FGF13: variants seen among roughly 807,000 people sequenced by gnomAD.
FGF13 encodes the protein fibroblast growth factor 13.
A neutral mutation model predicts 19.5 loss-of-function variants in FGF13; 2 were observed. The ratio of observed to expected loss-of-function variants is 0.10; its 90% CI spans 0.04 to 0.32. The LOEUF (loss-of-function observed/expected upper bound fraction) is 0.32. Ranked by LOEUF, FGF13 falls within the 10% of genes least tolerant of loss-of-function variation. The pLI, the probability that FGF13 is intolerant of heterozygous loss-of-function variation, is 1.00. For missense variants in FGF13, 113 were observed against 192.7 expected (o/e 0.59, Z 2.45); for synonymous variants, 72 against 76.9 (o/e 0.94, Z 0.33).
rs1234410783 is a variant in FGF13 at position 138,625,412 on chromosome X, A to C, written c.*7438T>G. The C allele has an allele frequency of 9.8e-6, 1 of 102,045 alleles. No individual in the cohort carries two copies. Among genetic ancestry groups the C allele is most frequent in the Non-Finnish European group, 2.0e-5 (1 of 50,326 alleles). The allele number at this position is 102,045 out of a possible 1,213,427, so 8.4% of individuals were successfully genotyped here. The stretch of plus-strand genomic sequence containing the variant: ...CACCATTATTCACAATAGATAAGTT[A>C]TGGAACAACCTAAGTGCCCACGGAC... On this transcript the variant is annotated 3_prime_UTR_variant, in exon 5 of 5. Transcript: ENST00000315930.
chrX:138,942,946 G>C (rs1490946343), intron 1 of FGF13, among the ~76,000 whole-genome samples: 1 of 111,259 alleles, frequency 9.0e-6, no homozygotes, highest in African/African-American at 3.3e-5. Flanking sequence ...TTTTATTTGG[G>C]CCTGACAAAT....
chrX:138,781,164 G>A (rs1391851486), intron 3 of FGF13, among the ~76,000 whole-genome samples: 5 of 111,101 alleles, frequency 4.5e-5, no homozygotes, highest in Admixed American at 1.9e-4. Context: ...CGCATTCAAA[G>A]CAGCGTGTAG....
At chrX:138,855,961 A>ACTGT (rs2091254733), downstream of FGF13, among the ~76,000 whole-genome samples, 2 of 87,772 alleles carry the variant, frequency 2.3e-5, no homozygotes, top group Admixed American at 1.2e-4. Context: ...AAGTACAAAA[A>ACTGT]CTGTGTGTGT....
At chrX:138,794,071 C>A (rs2090760339) in intron 3 of FGF13, among the ~76,000 whole-genome samples, 1 of 111,182 alleles carries the variant, frequency 9.0e-6, no homozygotes, top group South Asian at 3.8e-4. Context: ...TGGCTCAGAA[C>A]AACAGCCTCC....
intron 3 of FGF13, among the ~76,000 whole-genome samples, chrX:138,799,901 C>T (rs1350897150): frequency 9.0e-6 from 1 of 110,925 alleles, no homozygotes; most frequent in East Asian, 2.8e-4. Context: ...GATTGCAACC[C>T]CTGCTTTTAT....
At chrX:139,037,951 A>G (rs992761990) in intron 1 of FGF13, among the ~76,000 whole-genome samples, 2 of 111,350 alleles carry the variant, frequency 1.8e-5, no homozygotes, top group Non-Finnish European at 3.8e-5. Flanking sequence ...TGTGCCCCAG[A>G]AGACTGATCT....
intron 3 of FGF13, among the ~76,000 whole-genome samples, chrX:138,747,077 A>T (rs911453748): frequency 5.4e-5 from 6 of 111,747 alleles, no homozygotes; most frequent in African/African-American, 2.0e-4. Flanking sequence ...CTGTGTGCCC[A>T]CCAATTCTCA....
At chrX:139,144,793 A>G (rs747027642) in intron 1 of FGF13, among the ~76,000 whole-genome samples, 2 of 111,498 alleles carry the variant, frequency 1.8e-5, no homozygotes, top group South Asian at 7.6e-4. Context: ...TTCTTGGGGG[A>G]AAAAAACAGT....
intron 1 of FGF13, among the ~76,000 whole-genome samples, chrX:138,726,380 T>C: frequency 8.9e-6 from 1 of 112,009 alleles, no homozygotes; most frequent in African/African-American, 3.2e-5. Flanking sequence ...TAGAATGCTA[T>C]TTAACCTCTC....
At chrX:139,148,756 A>G (rs1764794688) in intron 1 of FGF13, among the ~76,000 whole-genome samples, 1 of 111,513 alleles carries the variant, frequency 9.0e-6, no homozygotes, top group African/African-American at 3.3e-5. Flanking sequence ...AGGAACCTGC[A>G]CTTGATCTGT....
At chrX:139,110,780 G>A (rs2083595550) in intron 1 of FGF13, among the ~76,000 whole-genome samples, 1 of 111,993 alleles carries the variant, frequency 8.9e-6, no homozygotes, top group African/African-American at 3.2e-5. Flanking sequence ...CAATATTTGA[G>A]CATCCAGTGA....
chrX:139,112,970 TAGTGTGTGTGTGTGTGTG>T (rs1423296873), intron 1 of FGF13, among the ~76,000 whole-genome samples: 2 of 84,538 alleles, frequency 2.4e-5, no homozygotes, highest in East Asian at 7.6e-4. Context: ...CTTGATTATG[TAGTGTGTGTGTGTGTGTG>T]TGTGTGTGTG....
At chrX:138,983,296 CG>C (rs1175287259) in intron 1 of FGF13, among the ~76,000 whole-genome samples, 1 of 107,462 alleles carries the variant, frequency 9.3e-6, no homozygotes, top group Non-Finnish European at 1.9e-5. Flanking sequence ...TGGTGGGAGA[CG>C]GGGTCTAATT....
intron 1 of FGF13, among the ~76,000 whole-genome samples, chrX:139,146,933 C>T (rs1186407642): frequency 9.5e-6 from 1 of 104,757 alleles, no homozygotes; most frequent in African/African-American, 3.5e-5. Context: ...AACACTTGGA[C>T]ACACGGTGGG....
intron 1 of FGF13, among the ~76,000 whole-genome samples, chrX:138,959,956 G>A (rs916942121): frequency 3.6e-5 from 4 of 111,949 alleles, no homozygotes; most frequent in Non-Finnish European, 7.5e-5. Context: ...GCACACTGAT[G>A]AGTCTTGATT....
intron 2 of FGF13, among the ~76,000 whole-genome samples, chrX:138,861,403 A>G (rs2091287496): frequency 8.9e-6 from 1 of 112,634 alleles, no homozygotes; most frequent in Non-Finnish European, 1.9e-5. Flanking sequence ...AAATAAGTTA[A>G]TCATTTATCT....
intron 1 of FGF13, among the ~76,000 whole-genome samples, chrX:138,959,815 T>C (rs1385604494): frequency 3.6e-5 from 4 of 111,829 alleles, no homozygotes; most frequent in Non-Finnish European, 3.8e-5. Flanking sequence ...TGGTTTAAAG[T>C]CTGTTTTATC....
rs1569436230 is a variant in FGF13, at chrX:138,984,616, ATGAGGAAGAG to A, written c.-112-119976_-112-119967del. On this transcript the variant is annotated intron_variant, in intron 1 of 2. Transcript: ENST00000421460. ...GAGGAGGAGGAGGAGGAGGAGGAGG[ATGAGGAAGAG>A]GAGGAGGAGGAGGAGGAGAAGAAGA... 1.9e-4 allele frequency among the ~76,000 whole-genome samples: 10 copies of A among 52,861 alleles called. 1 individual carries two copies. The highest frequency in any genetic ancestry group is 7.2e-4 in the African/African-American group (9 of 12,511). The allele number at this position is 52,861 out of a possible 115,157, so 45.9% of individuals were successfully genotyped here.
chrX:138,763,903 T>C (rs917274058), intron 3 of FGF13, among the ~76,000 whole-genome samples: 1 of 111,310 alleles, frequency 9.0e-6, no homozygotes, highest in African/African-American at 3.3e-5. Context: ...CAATAAGTGC[T>C]CACACACCAG....
Sources: gnomAD v4.1 joint callset for allele counts (sites outside exome capture counted in the v4.1 genomes callset) on GRCh38, gnomAD v4.1.1 for gene constraint, MANE v1.5 for transcripts, NCBI Gene and HGNC (gene_info 2026-07-23, HGNC 2026-07-21) for gene names.